The following NECAB1 variants were observed in gnomAD, a reference collection of about 807,000 sequenced individuals.
NECAB1 encodes the protein N-terminal EF-hand calcium binding protein 1, also known as N-terminal EF-hand calcium-binding protein 1.
A neutral mutation model predicts 57.5 loss-of-function variants in NECAB1; 29 were observed. The observed-to-expected ratio is 0.50, with a 90% CI of 0.38 to 0.69. NECAB1 has a LOEUF of 0.69. Ranked by LOEUF, NECAB1 falls within the 30% of genes least tolerant of loss-of-function variation. NECAB1 has a pLI of 0.00. For synonymous variants in NECAB1, 142 were observed against 147.7 expected (o/e 0.96, Z 0.28); for missense variants, 372 against 413.8 (o/e 0.90, Z 0.88).
Position 90,897,061 on chromosome 8 carries a change from G to T in NECAB1, c.357+15931G>T, listed in dbSNP as rs551154650. ...ATATAGAAGTACCTTGCTTTGCTGAGAAAAAGAAAATTTAAAAAAAATAAT... is the reference window on the plus strand; with the variant it reads ...ATATAGAAGTACCTTGCTTTGCTGATAAAAAGAAAATTTAAAAAAAATAAT... On this transcript the variant is annotated intron_variant, in intron 5 of 12. Coordinates refer to ENST00000417640, the MANE Select transcript of NECAB1 (RefSeq NM_022351.5). 3.1e-4 allele frequency among the ~76,000 whole-genome samples: 38 copies of T among 124,330 alleles called. 1 individual carries two copies. In the South Asian group the frequency reaches 8.4e-3, roughly 28 times the overall value. 81.6% of individuals were successfully genotyped at this position (124,330 alleles called of 152,430 possible).
chr8:90,927,952 T>C (rs1215520915), intron 7 of NECAB1, among the ~76,000 whole-genome samples: 1 of 152,076 alleles, frequency 6.6e-6, no homozygotes, highest in African/African-American at 2.4e-5. Flanking sequence ...CACGGGGTTT[T>C]GTAAATGGCT....
At chr8:90,912,486 T>G (rs1421429070) in intron 5 of NECAB1, among the ~76,000 whole-genome samples, 2 of 152,182 alleles carry the variant, frequency 1.3e-5, no homozygotes, top group Admixed American at 6.5e-5. Context: ...ATTTATTAAT[T>G]GTTTAATAAT....
At chr8:90,937,426 A>C (rs1399195683) in intron 9 of NECAB1, among the ~76,000 whole-genome samples, 1 of 152,164 alleles carries the variant, frequency 6.6e-6, no homozygotes, top group Non-Finnish European at 1.5e-5. Flanking sequence ...ATACTTCCAA[A>C]ATGACATAAT....
intron 5 of NECAB1, among the ~76,000 whole-genome samples, chr8:90,889,335 G>A (rs1563519416): frequency 6.6e-6 from 1 of 152,182 alleles, no homozygotes; most frequent in Non-Finnish European, 1.5e-5. Flanking sequence ...AGGTCACACA[G>A]CTGAGATGTG....
intron 3 of NECAB1, among the ~76,000 whole-genome samples, chr8:90,847,802 G>T (rs1279243970): frequency 1.3e-5 from 2 of 152,226 alleles, no homozygotes; most frequent in African/African-American, 2.4e-5. Flanking sequence ...AGCTGGAGCA[G>T]CTGGGACACA....
At chr8:90,920,718 T>C (rs1277819417) in intron 6 of NECAB1, among the ~76,000 whole-genome samples, 3 of 152,192 alleles carry the variant, frequency 2.0e-5, no homozygotes, top group South Asian at 4.1e-4. Context: ...CTCATTACCA[T>C]GTATTCCCAT....
intron 3 of NECAB1, among the ~76,000 whole-genome samples, chr8:90,829,304 TG>T (rs150379833): frequency 1.3e-3 from 200 of 152,224 alleles, no homozygotes; most frequent in African/African-American, 4.6e-3. Flanking sequence ...GAAACTTCCA[TG>T]GTTCCTCAAA....
At chr8:90,954,046 G>T (rs1810969484) in intron 12 of NECAB1, among the ~76,000 whole-genome samples, 1 of 150,758 alleles carries the variant, frequency 6.6e-6, no homozygotes, top group African/African-American at 2.4e-5. Context: ...TCCAGCCTGG[G>T]TGACAGAACG....
At chr8:90,908,580 A>G (rs1809751923) in intron 5 of NECAB1, among the ~76,000 whole-genome samples, 1 of 152,146 alleles carries the variant, frequency 6.6e-6, no homozygotes, top group African/African-American at 2.4e-5. Flanking sequence ...AGCTCCTCAA[A>G]CATATGAATA....
In NECAB1 at chr8:90,876,363, G is replaced by A. The variant is rs561496270; in HGVS notation, c.259+4210G>A. On this transcript the variant is annotated intron_variant, in intron 4 of 12. Transcript: ENST00000417640. The stretch of plus-strand genomic sequence containing the variant: ...ACTGACCTCCCTATTCAGAACATGC[G>A]GGTTTTAACACTCTCTCTCATCTCA... 8.5e-5 allele frequency among the ~76,000 whole-genome samples: 13 copies of A among 152,104 alleles called. No homozygotes were observed. The South Asian group carries it at 1.2e-3, about 15-fold the overall frequency.
At chr8:90,808,182 C>T (rs1254947927) in intron 2 of NECAB1, among the ~76,000 whole-genome samples, 1 of 152,110 alleles carries the variant, frequency 6.6e-6, no homozygotes, top group Non-Finnish European at 1.5e-5. Flanking sequence ...CAAAATGGCT[C>T]CCAAGGGCTG....
chr8:90,948,912 A>G (rs1308816073), intron 10 of NECAB1, among the ~76,000 whole-genome samples: 1 of 152,150 alleles, frequency 6.6e-6, no homozygotes, highest in Non-Finnish European at 1.5e-5. Context: ...TCTCATTGCT[A>G]TAGGATTAAA....
chr8:90,820,956 A>G (rs1332962976), intron 2 of NECAB1, among the ~76,000 whole-genome samples: 1 of 151,858 alleles, frequency 6.6e-6, no homozygotes, highest in African/African-American at 2.4e-5. Context: ...TAATCCTCTC[A>G]ATAGCCAGGC....
Position 90,819,468 on chromosome 8 carries a change from T to C in NECAB1, c.125-5249T>C, listed in dbSNP as rs117783026. Among the ~76,000 whole-genome samples the C allele has an allele frequency of 5.5e-3, 843 of 152,078 alleles. 2 individuals carry two copies. Among genetic ancestry groups the C allele is most frequent in the Non-Finnish European group, 9.3e-3 (633 of 67,912 alleles). ...GTCAATCTCACTAGGATGGGCTGTG[T>C]TTAATGTTTGCTCTAGTGGTAGGGC... On this transcript the variant is annotated intron_variant, in intron 2 of 12. Transcript: ENST00000417640.
At chr8:90,925,432 G>A (rs1810240556) in intron 6 of NECAB1, 103 bp from the exon 7 acceptor site, 5 of 1,299,880 alleles carry the variant, frequency 3.8e-6, no homozygotes, top group Non-Finnish European at 5.3e-6. Context: ...TTTTCATTTT[G>A]CTGCACTAGA....
At chr8:90,919,329 A>G (rs1325776516) in intron 6 of NECAB1, among the ~76,000 whole-genome samples, 2 of 152,196 alleles carry the variant, frequency 1.3e-5, no homozygotes, top group Non-Finnish European at 2.9e-5. Context: ...AGAGAAGGAA[A>G]CAGTAAGTTT....
At chr8:90,886,700 A>G (rs1809001849) in intron 5 of NECAB1, among the ~76,000 whole-genome samples, 1 of 151,866 alleles carries the variant, frequency 6.6e-6, no homozygotes, top group Non-Finnish European at 1.5e-5. Context: ...GTTCTTCTTT[A>G]GCAGAGATTT....
At chr8:90,813,958 A>G (rs755352346) in intron 2 of NECAB1, among the ~76,000 whole-genome samples, 91 of 152,204 alleles carry the variant, frequency 6.0e-4, no homozygotes, top group Non-Finnish European at 9.3e-4. Flanking sequence ...ATCTATGTTG[A>G]TAAATTATTT....
At chr8:90,865,779 T>C (rs1368273390) in intron 3 of NECAB1, among the ~76,000 whole-genome samples, 1 of 152,186 alleles carries the variant, frequency 6.6e-6, no homozygotes, top group Non-Finnish European at 1.5e-5. Flanking sequence ...CTGAAACAAT[T>C]GGCCCCTGCC....
Sources: gnomAD v4.1 joint callset for allele counts (sites outside exome capture counted in the v4.1 genomes callset) on GRCh38, gnomAD v4.1.1 for gene constraint, MANE v1.5 for transcripts, NCBI Gene and HGNC (gene_info 2026-07-23, HGNC 2026-07-21) for gene names.